The following SNTG1 variants were observed in gnomAD, a reference collection of about 807,000 sequenced individuals.
The protein encoded by SNTG1 is syntrophin gamma 1.
Under a neutral mutation model 74.7 loss-of-function variants are expected in SNTG1, and 39 were observed. The observed-to-expected ratio is 0.52, with a 90% confidence interval of 0.40 to 0.68. The LOEUF (loss-of-function observed/expected upper bound fraction) is 0.68. Among genes scored for constraint, SNTG1 ranks in the 30% least tolerant of loss-of-function variants. SNTG1 has a pLI of 0.00. For missense variants in SNTG1, 685 were observed against 609.5 expected, an observed-to-expected ratio of 1.12 and a Z score of -1.30; for synonymous variants, 254 against 217.1, an observed-to-expected ratio of 1.17 and a Z score of -1.49.
At chr8:50,434,920 A>ACT (rs891576098) in intron 4 of SNTG1, among the ~76,000 whole-genome samples, 4 of 152,048 alleles carry the variant, frequency 2.6e-5, no homozygotes, top group African/African-American at 9.7e-5. Context: ...TTTCTGCATG[A>ACT]TTTCCACTTC....
chr8:50,315,218 G>A (rs1020283411), intron 2 of SNTG1, among the ~76,000 whole-genome samples: 8 of 149,548 alleles, frequency 5.3e-5, no homozygotes, highest in African/African-American at 1.0e-4. Flanking sequence ...AGTTTGTTAT[G>A]TCTATGGTGC....
At chr8:50,062,970 A>G (rs141384663) in intron 1 of SNTG1, among the ~76,000 whole-genome samples, 34 of 152,342 alleles carry the variant, frequency 2.2e-4, no homozygotes, top group Non-Finnish European at 3.8e-4. Flanking sequence ...AGAGCTAATG[A>G]CTGCAGACTT....
At chr8:50,688,400 T>G (rs568248015) in intron 15 of SNTG1, among the ~76,000 whole-genome samples, 1 of 152,346 alleles carries the variant, frequency 6.6e-6, no homozygotes, top group South Asian at 2.1e-4. Flanking sequence ...GTCTAACATT[T>G]AAGTCTTTAA....
At chr8:50,282,898 A>C (rs1466740938) in intron 2 of SNTG1, among the ~76,000 whole-genome samples, 7 of 152,252 alleles carry the variant, frequency 4.6e-5, no homozygotes. Flanking sequence ...GTCCTGTTAC[A>C]AAGAGAACAG....
At chr8:50,763,648 TTGTGTGTGTGTGTGTGTGTGTGTGTG>T (rs141415804) in intron 18 of SNTG1, among the ~76,000 whole-genome samples, 1 of 117,096 alleles carries the variant, frequency 8.5e-6, no homozygotes, top group East Asian at 2.6e-4. Context: ...ATTGCCTTTA[TTGTGTGTGTGTGTGTGTGTGTGTGTG>T]TGTGTGTGTG....
intron 15 of SNTG1, among the ~76,000 whole-genome samples, chr8:50,692,959 C>T (rs2095388416): frequency 6.6e-6 from 1 of 152,214 alleles, no homozygotes; most frequent in Non-Finnish European, 1.5e-5. Flanking sequence ...AATGGTGGTG[C>T]CCCTCCCCAA....
chr8:50,527,573 A>G (rs1269987891), intron 9 of SNTG1, among the ~76,000 whole-genome samples: 2 of 152,034 alleles, frequency 1.3e-5, no homozygotes, highest in Non-Finnish European at 2.9e-5. Flanking sequence ...ATTTTGAGAT[A>G]CTTTGTTATT....
chr8:50,042,120 AT>A (rs1172213554), intron 1 of SNTG1, among the ~76,000 whole-genome samples: 2 of 152,090 alleles, frequency 1.3e-5, no homozygotes, highest in Non-Finnish European at 2.9e-5. Flanking sequence ...TTTTCTTCTC[AT>A]TTTTTTGGTC....
chr8:49,979,461 G>A (rs565812373), intron 1 of SNTG1, among the ~76,000 whole-genome samples: 1 of 152,266 alleles, frequency 6.6e-6, no homozygotes, highest in African/African-American at 2.4e-5. Flanking sequence ...TTTTCTTTGG[G>A]TCGGGATCAT....
chr8:50,276,086 T>C (rs1438310522), intron 2 of SNTG1, among the ~76,000 whole-genome samples: 1 of 152,122 alleles, frequency 6.6e-6, no homozygotes, highest in Non-Finnish European at 1.5e-5. Flanking sequence ...TATATAACAA[T>C]ACCTACGTAC....
At chr8:50,069,316 A>G (rs1417354093) in intron 1 of SNTG1, among the ~76,000 whole-genome samples, 1 of 152,138 alleles carries the variant, frequency 6.6e-6, no homozygotes, top group Non-Finnish European at 1.5e-5. Context: ...TATATCACAA[A>G]ATCCACAAGT....
At chr8:50,133,264 A>T (rs1187250298) in intron 1 of SNTG1, among the ~76,000 whole-genome samples, 1 of 152,162 alleles carries the variant, frequency 6.6e-6, no homozygotes, top group East Asian at 1.9e-4. Flanking sequence ...TCCTCCACTG[A>T]CCAATAATAT....
At chr8:49,924,000 A>C (rs535063713) in intron 1 of SNTG1, among the ~76,000 whole-genome samples, 292 of 152,290 alleles carry the variant, frequency 1.9e-3, no homozygotes, top group African/African-American at 6.8e-3. Context: ...TAAAGCAATA[A>C]ATGTGTTTTT....
intron 3 of SNTG1, among the ~76,000 whole-genome samples, chr8:50,395,733 G>T (rs1285848079): frequency 2.0e-5 from 3 of 151,906 alleles, no homozygotes; most frequent in African/African-American, 7.3e-5. Flanking sequence ...GGAAGATCTC[G>T]ATCTCCTGAC....
chr8:50,074,874 G>A (rs561746426), intron 1 of SNTG1, among the ~76,000 whole-genome samples: 1 of 152,262 alleles, frequency 6.6e-6, no homozygotes, highest in East Asian at 2.0e-4. Flanking sequence ...GGTACCTGAG[G>A]GAACCGGGGC....
chr8:50,258,573 TCAA>T (rs1304274902), intron 2 of SNTG1, among the ~76,000 whole-genome samples: 6 of 152,084 alleles, frequency 3.9e-5, no homozygotes, highest in Admixed American at 2.0e-4. Context: ...CTAGAGAATA[TCAA>T]CAAAAATAAA....
chr8:50,090,289 A>C (rs2079671894), intron 1 of SNTG1, among the ~76,000 whole-genome samples: 2 of 152,164 alleles, frequency 1.3e-5, no homozygotes, highest in Non-Finnish European at 1.5e-5. Context: ...ACGACTTGTA[A>C]CCGAAGAGGT....
At chr8:50,502,474 T>G (rs61683218) in intron 8 of SNTG1, among the ~76,000 whole-genome samples, 3,804 of 152,308 alleles carry the variant, frequency 0.025, 147 homozygotes, top group African/African-American at 0.086. Flanking sequence ...TATCTGCCTT[T>G]CTGTGGACTT....
At chr8:50,008,146 A>AT in intron 1 of SNTG1, among the ~76,000 whole-genome samples, 1 of 135,478 alleles carries the variant, frequency 7.4e-6, no homozygotes, top group Non-Finnish European at 1.5e-5. Flanking sequence ...AATTTATGGA[A>AT]AAAAACCCAC....
Sources: gnomAD v4.1 joint callset for allele counts (sites outside exome capture counted in the v4.1 genomes callset) on GRCh38, gnomAD v4.1.1 for gene constraint, MANE v1.5 for transcripts, NCBI Gene and HGNC (gene_info 2026-07-23, HGNC 2026-07-21) for gene names.